The following SLC3A1 variants were observed in gnomAD, a reference collection of about 807,000 sequenced individuals.
The protein encoded by SLC3A1 is solute carrier family 3 member 1.
SLC3A1 carries 78 observed loss-of-function variants against 60.3 expected under a neutral mutation model. That is an observed-to-expected ratio of 1.29 (90% CI 1.08 to 1.56). The LOEUF (loss-of-function observed/expected upper bound fraction) is 1.56. Ranked by LOEUF, SLC3A1 falls within the 40% of genes most tolerant of loss-of-function variation. The pLI is 0.00. For missense variants in SLC3A1, 1,172 were observed against 858.9 expected (o/e 1.36, Z -4.56); for synonymous variants, 392 against 307.9 (o/e 1.27, Z -2.86).
chr2:44,317,020 TAGC>T (rs1449393328), intron 9 of SLC3A1, among the ~76,000 whole-genome samples: 1 of 152,116 alleles, frequency 6.6e-6, no homozygotes, highest in African/African-American at 2.4e-5. Context: ...TGGGAAATGT[TAGC>T]AGGGAGGGTG....
chr2:44,280,428 G>A lies in SLC3A1; in HGVS notation c.431-288G>A, dbSNP rs558445805. Among the ~76,000 whole-genome samples the A allele has an allele frequency of 9.9e-5, 15 of 152,112 alleles. No individual in the cohort carries two copies. In the South Asian group the frequency reaches 2.5e-3, roughly 25 times the overall value. On this transcript the variant is annotated intron_variant, in intron 1 of 9. Coordinates refer to ENST00000260649, the MANE Select transcript of SLC3A1 (RefSeq NM_000341.4). The stretch of plus-strand genomic sequence containing the variant: ...TAATTTTTGTATTTTTAATAGAGAC[G>A]GGGTTTTGTCATGTTGGCCAGGATG...
chr2:44,276,857 G>A (rs988530431), intron 1 of SLC3A1, among the ~76,000 whole-genome samples: 2 of 152,160 alleles, frequency 1.3e-5, no homozygotes, highest in Non-Finnish European at 2.9e-5. Flanking sequence ...GAACTTCTGA[G>A]CAAATTGGTT....
intron 4 of SLC3A1, among the ~76,000 whole-genome samples, chr2:44,299,630 C>G (rs1671952366): frequency 6.6e-6 from 1 of 152,054 alleles, no homozygotes; most frequent in Non-Finnish European, 1.5e-5. Context: ...AGAAACTTTC[C>G]TAGTTTATTC....
At chr2:44,304,378 T>C (rs766355614) in intron 7 of SLC3A1, 40 bp downstream of exon 7, 1 of 1,487,802 alleles carries the variant, frequency 6.7e-7, no homozygotes, top group Non-Finnish European at 9.4e-7. Flanking sequence ...TGTGCTGCTG[T>C]TGCCTTTGCT....
intron 9 of SLC3A1, chr2:44,317,497 A>C (rs1360269199): frequency 1.3e-5 from 2 of 151,916 alleles, no homozygotes; most frequent in Admixed American, 6.6e-5. Context: ...TGTCATAGCA[A>C]CACTTCAAGT....
downstream of SLC3A1, chr2:44,321,782 A>G: frequency 6.2e-7 from 1 of 1,613,708 alleles, no homozygotes; most frequent in Non-Finnish European, 8.5e-7. Flanking sequence ...AACAACATGT[A>G]TCTAGTTCGG....
chr2:44,307,099 G>A (rs1191137381), intron 7 of SLC3A1, among the ~76,000 whole-genome samples: 1 of 152,116 alleles, frequency 6.6e-6, no homozygotes, highest in South Asian at 2.1e-4. Flanking sequence ...GGAGCTATAC[G>A]ATATGGGACT....
Position 44,304,288 on chromosome 2 carries a change from A to G in SLC3A1, c.1282A>G (p.Ile428Val), listed in dbSNP as rs774182830. 9 of 1,614,106 alleles carry G rather than the reference A, an allele frequency of 5.6e-6. No individual in the cohort carries two copies. Among genetic ancestry groups the G allele is most frequent in the Admixed American group, 5.0e-5 (3 of 60,006 alleles). Residue 428 changes from isoleucine to valine, a missense_variant, in exon 7 of 10, where the codon ATC becomes GTC. Coordinates refer to ENST00000260649, the MANE Select transcript of SLC3A1 (RefSeq NM_000341.4). ...TTCTGGGAACAGCGTGTATGAGGTTATCACATCCTGGATGGAAAACATGCC... is the reference window on the plus strand; with the variant it reads ...TTCTGGGAACAGCGTGTATGAGGTTGTCACATCCTGGATGGAAAACATGCC... ...TVSGNSVYEVITSWMENMPEG... is the reference protein window; with the variant it reads ...TVSGNSVYEVVTSWMENMPEG...
chr2:44,295,255 T>G (rs182704026), intron 4 of SLC3A1, among the ~76,000 whole-genome samples: 1 of 152,118 alleles, frequency 6.6e-6, no homozygotes, highest in Non-Finnish European at 1.5e-5. Context: ...GAGAAAGGAG[T>G]TAAAAGGTGC....
intron 8 of SLC3A1, among the ~76,000 whole-genome samples, chr2:44,313,479 G>T (rs569485168): frequency 9.9e-5 from 15 of 152,282 alleles, no homozygotes; most frequent in Admixed American, 3.9e-4. Flanking sequence ...GTACATGGCA[G>T]TGTTCTTAAA....
At chr2:44,318,140 G>A (rs779352951) in intron 9 of SLC3A1, 12 of 437,320 alleles carry the variant, frequency 2.7e-5, no homozygotes, top group Non-Finnish European at 4.6e-5. Flanking sequence ...ACCCATGCTC[G>A]AGTGCAGTGG....
At chr2:44,315,211 G>C (rs1263065502) in intron 9 of SLC3A1, 1 of 151,892 alleles carries the variant, frequency 6.6e-6, no homozygotes, top group African/African-American at 2.4e-5. Flanking sequence ...CCAAAGTGTT[G>C]GGATTACAGG....
Position 44,301,043 on chromosome 2 carries a change from C to G in SLC3A1, c.1052C>G (p.Thr351Ser). 2 of 1,614,184 alleles carry G rather than the reference C, an allele frequency of 1.2e-6. No individual in the cohort carries two copies. The highest frequency in any genetic ancestry group is 1.1e-5 in the South Asian group (1 of 91,084). Residue 351 changes from threonine (T) to serine (S), a missense_variant, in exon 6 of 10, where the codon ACC becomes AGC. Thr to Ser is a moderately conservative substitution (Grantham distance 58, BLOSUM62 1). Transcript: ENST00000260649. ...TQYSELYHDF[T>S]TTQVGMHDIV... ...TACTCGGAGCTGTACCATGACTTCA[C>G]CACCACGCAGGTGGGAATGCACGAC...
At chr2:44,281,584 A>T in intron 3 of SLC3A1, 43 bp downstream of exon 3, 1 of 1,578,412 alleles carries the variant, frequency 6.3e-7, no homozygotes, top group Non-Finnish European at 8.7e-7. Context: ...TAAAAGGCAG[A>T]TATGTAGTGA....
At position 44,310,682 on chromosome 2, in the gene SLC3A1, G is replaced by A. The variant is rs184212016; in HGVS notation, c.1333-1904G>A. On this transcript the variant is annotated intron_variant, in intron 7 of 9. Transcript: ENST00000260649. ...TTTTTAAAAAAATCAAATTTGGGAA[G>A]TTGTTGGCTATTTTTTTTTTAAATA... 5.1e-3 allele frequency among the ~76,000 whole-genome samples: 777 copies of A among 151,814 alleles called. 2 individuals are homozygous for A. Among genetic ancestry groups the A allele is most frequent in the South Asian group, 0.021 (101 of 4,810 alleles).
intron 4 of SLC3A1, among the ~76,000 whole-genome samples, chr2:44,295,822 A>G (rs1671835685): frequency 6.6e-6 from 1 of 152,224 alleles, no homozygotes; most frequent in Admixed American, 6.5e-5. Context: ...CATTTTTGTC[A>G]GAGGCCGCTT....
chr2:44,278,600 AG>A (rs2104330663), intron 1 of SLC3A1, among the ~76,000 whole-genome samples: 1 of 152,330 alleles, frequency 6.6e-6, no homozygotes, highest in Admixed American at 6.5e-5. Context: ...GTCTAATTCT[AG>A]GAAGTCACAT....
intron 9 of SLC3A1, 183 bp downstream of exon 9, chr2:44,314,134 T>C: frequency 7.0e-7 from 1 of 1,418,958 alleles, no homozygotes; most frequent in East Asian, 2.5e-5. Flanking sequence ...AAATACAAAC[T>C]GGTACAAATC....
chr2:44,318,127 G>A (rs180849205), intron 9 of SLC3A1: 12 of 436,190 alleles, frequency 2.8e-5, no homozygotes, highest in Middle Eastern at 3.5e-4. Context: ...GTCTTGCTCC[G>A]TCACCCATGC....
Sources: gnomAD v4.1 joint callset for allele counts (sites outside exome capture counted in the v4.1 genomes callset) on GRCh38, gnomAD v4.1.1 for gene constraint, MANE v1.5 for transcripts, NCBI Gene and HGNC (gene_info 2026-07-23, HGNC 2026-07-21) for gene names.